The following BMPR1A variants were observed in gnomAD, a reference collection of about 807,000 sequenced individuals.
BMPR1A encodes the protein bone morphogenetic protein receptor type 1A, also known as bone morphogenetic protein receptor type-1A.
A neutral mutation model predicts 66.0 loss-of-function variants in BMPR1A; 7 were observed. That is an observed-to-expected ratio of 0.11 (90% confidence interval 0.06 to 0.20). The LOEUF (loss-of-function observed/expected upper bound fraction) is 0.20, where lower values mean the gene tolerates loss of function less well. Among genes scored for constraint, BMPR1A ranks in the 10% least tolerant of loss-of-function variants. The probability of loss-of-function intolerance (pLI) is 1.00; values close to 1 mark genes in which losing one functional copy is unlikely to be tolerated. For missense variants in BMPR1A, 408 were observed against 669.1 expected (o/e 0.61, Z 4.31); for synonymous variants, 200 against 229.7 (o/e 0.87, Z 1.17).
chr10:86,901,239 A>G (rs117212619), intron 7 of BMPR1A, among the ~76,000 whole-genome samples: 7,455 of 152,322 alleles, frequency 0.049, 261 homozygotes, highest in Middle Eastern at 0.085. Context: ...GTCTCAGCTG[A>G]CATCTGACCC....
In BMPR1A at chr10:86,854,325, G is replaced by A. The variant is rs186508186; in HGVS notation, c.-153+15346G>A. Among the ~76,000 whole-genome samples the A allele has an allele frequency of 1.8e-4, 28 of 152,130 alleles. 1 individual carries two copies. The highest frequency in any genetic ancestry group is 5.8e-4 in the East Asian group (3 of 5,178). On this transcript the variant is annotated intron_variant, in intron 2 of 12. Coordinates refer to ENST00000372037, the MANE Select transcript of BMPR1A (RefSeq NM_004329.3). Reference sequence around the variant, plus strand: ...GTGCTCTACAATTTGTGCAGTTAACGCAATTATTACAGGGTCCTGAGGTGA... The same window carrying A: ...GTGCTCTACAATTTGTGCAGTTAACACAATTATTACAGGGTCCTGAGGTGA...
intron 1 of BMPR1A, among the ~76,000 whole-genome samples, chr10:86,813,540 C>T (rs538046694): frequency 2.6e-4 from 39 of 152,248 alleles, no homozygotes; most frequent in South Asian, 4.1e-4. Context: ...GATAATTACT[C>T]GTTTATTTTG....
At chr10:86,855,301 A>G in intron 2 of BMPR1A, 2 of 1,026,054 alleles carry the variant, frequency 1.9e-6, no homozygotes, top group Non-Finnish European at 1.3e-6. Flanking sequence ...CTTCCACCCA[A>G]TCAAAGTCTC....
chr10:86,917,459 C>A, intron 9 of BMPR1A, 133 bp downstream of exon 9: 1 of 1,092,684 alleles, frequency 9.2e-7, no homozygotes, highest in Non-Finnish European at 1.4e-6. Context: ...TAGTAGAATA[C>A]ACGGTTTGAA....
intron 2 of BMPR1A, among the ~76,000 whole-genome samples, chr10:86,843,962 C>A (rs770788919): frequency 1.3e-5 from 2 of 152,012 alleles, no homozygotes; most frequent in Admixed American, 6.6e-5. Context: ...AAAGGTATTG[C>A]GGCAGAAGAA....
intron 1 of BMPR1A, among the ~76,000 whole-genome samples, chr10:86,759,501 C>T (rs1840994590): frequency 6.6e-6 from 1 of 152,164 alleles, no homozygotes; most frequent in Non-Finnish European, 1.5e-5. Context: ...AAACTTGCCT[C>T]TTTGGTGTTC....
intron 1 of BMPR1A, among the ~76,000 whole-genome samples, chr10:86,774,018 T>A (rs149894569): frequency 5.4e-4 from 82 of 152,136 alleles, no homozygotes; most frequent in African/African-American, 1.7e-3. Flanking sequence ...ACCTGGCTAA[T>A]TTTTGTATTT....
intron 2 of BMPR1A, among the ~76,000 whole-genome samples, chr10:86,864,734 A>G (rs1335055017): frequency 6.6e-6 from 1 of 152,112 alleles, no homozygotes; most frequent in East Asian, 1.9e-4. Context: ...TCTGTCCTTT[A>G]ATACCCATTT....
At chr10:86,834,601 T>C (rs1418477691) in intron 1 of BMPR1A, among the ~76,000 whole-genome samples, 1 of 152,192 alleles carries the variant, frequency 6.6e-6, no homozygotes, top group Admixed American at 6.5e-5. Flanking sequence ...AATTTATAAA[T>C]GAAGTTTTGG....
chr10:86,855,958 C>A (rs1168219743), intron 2 of BMPR1A: 8 of 630,660 alleles, frequency 1.3e-5, no homozygotes, highest in Non-Finnish European at 2.4e-5. Flanking sequence ...ATAACTATTT[C>A]TTTTCCAGAA....
rs1589743643 is a variant in BMPR1A, at chr10:86,845,807, C to A, written c.-153+6828C>A. ...GGTCAGGAGATCGAGACCATCCTGGCTAACATGGTGAAACCCCGTCTCTAC... is the reference window on the plus strand; with the variant it reads ...GGTCAGGAGATCGAGACCATCCTGGATAACATGGTGAAACCCCGTCTCTAC... On this transcript the variant is annotated intron_variant, in intron 2 of 12. Transcript: ENST00000372037. Among the ~76,000 whole-genome samples the A allele has an allele frequency of 2.6e-5, 4 of 152,172 alleles. No homozygotes were observed. In the South Asian group the frequency reaches 8.3e-4, roughly 32 times the overall value.
intron 3 of BMPR1A, among the ~76,000 whole-genome samples, chr10:86,887,758 G>A (rs565257880): frequency 3.3e-5 from 5 of 152,256 alleles, no homozygotes; most frequent in East Asian, 1.9e-4. Context: ...GAATTGATAC[G>A]TGTCTTCTGT....
intron 2 of BMPR1A, among the ~76,000 whole-genome samples, chr10:86,851,273 G>C (rs1350967245): frequency 1.3e-5 from 2 of 152,040 alleles, no homozygotes; most frequent in Admixed American, 1.3e-4. Flanking sequence ...ATGGTTTTAT[G>C]GTTGGTTTAA....
At chr10:86,907,041 C>T (rs1392664348) in intron 7 of BMPR1A, among the ~76,000 whole-genome samples, 1 of 152,082 alleles carries the variant, frequency 6.6e-6, no homozygotes, top group East Asian at 1.9e-4. Flanking sequence ...TGTCTGACTT[C>T]ATTTTTCTGC....
intron 3 of BMPR1A, among the ~76,000 whole-genome samples, chr10:86,876,495 T>G (rs1842923261): frequency 6.6e-6 from 1 of 152,140 alleles, no homozygotes; most frequent in Non-Finnish European, 1.5e-5. Flanking sequence ...TGAAAAATCA[T>G]TTTATTGGCC....
rs940175536 is a variant in BMPR1A at position 86,889,957 on chromosome 10, A to G, written c.68-105A>G. On this transcript the variant is annotated intron_variant, in intron 3 of 12. Transcript: ENST00000372037. ...TTTCTAAAGAAACATGCTAGCTACA[A>G]TTATTGTGATAAGAAAGCTTAACAA... 5.7e-6 allele frequency: 7 copies of G among 1,219,770 alleles called. No homozygotes were observed. In the African/African-American group the frequency reaches 9.1e-5, roughly 16 times the overall value. The allele number at this position is 1,219,770 out of a possible 1,614,324, so 75.6% of individuals were successfully genotyped here. A position where few individuals can be genotyped will look rare whatever the true frequency, so the allele number is the denominator to read the frequency against.
chr10:86,896,099 A>G (rs913994058), intron 5 of BMPR1A, among the ~76,000 whole-genome samples: 2 of 151,754 alleles, frequency 1.3e-5, no homozygotes, highest in Non-Finnish European at 2.9e-5. Context: ...GGTTGCAGTG[A>G]GCCGAGATAG....
intron 1 of BMPR1A, among the ~76,000 whole-genome samples, chr10:86,796,530 T>G (rs550492087): frequency 6.7e-6 from 1 of 148,794 alleles, no homozygotes; most frequent in South Asian, 2.1e-4. Flanking sequence ...TTTATTTATT[T>G]TTAGTATTTT....
intron 1 of BMPR1A, among the ~76,000 whole-genome samples, chr10:86,784,536 G>T (rs911510418): frequency 1.3e-5 from 2 of 152,134 alleles, no homozygotes; most frequent in Admixed American, 1.3e-4. Context: ...AAGTTTAGAA[G>T]TGTTTCTTCA....
Sources: gnomAD v4.1 joint callset for allele counts (sites outside exome capture counted in the v4.1 genomes callset) on GRCh38, gnomAD v4.1.1 for gene constraint, MANE v1.5 for transcripts, NCBI Gene and HGNC (gene_info 2026-07-23, HGNC 2026-07-21) for gene names.